The following DPP10 variants were observed in gnomAD, a reference collection of about 807,000 sequenced individuals.
DPP10 encodes the protein inactive dipeptidyl peptidase 10.
DPP10 carries 33 observed loss-of-function variants against 120.9 expected under a neutral mutation model. The ratio of observed to expected loss-of-function variants is 0.27; its 90% CI spans 0.21 to 0.37. The LOEUF (loss-of-function observed/expected upper bound fraction) is 0.37, where lower values mean the gene tolerates loss of function less well. Among genes scored for constraint, DPP10 ranks in the 10% least tolerant of loss-of-function variants. The probability of loss-of-function intolerance (pLI) is 1.00; values close to 1 mark genes in which losing one functional copy is unlikely to be tolerated. For synonymous variants in DPP10, 337 were observed against 326.1 expected, an observed-to-expected ratio of 1.03 and a Z score of -0.36; for missense variants, 816 against 942.8, an observed-to-expected ratio of 0.87 and a Z score of 1.76.
At chr2:114,930,013 A>T (rs1695951379) in intron 1 of DPP10, among the ~76,000 whole-genome samples, 1 of 152,214 alleles carries the variant, frequency 6.6e-6, no homozygotes, top group Non-Finnish European at 1.5e-5. Context: ...AGCAGGGAGC[A>T]GTATCCCAGG....
chr2:115,254,858 G>A (rs145873525), intron 1 of DPP10, among the ~76,000 whole-genome samples: 10 of 152,306 alleles, frequency 6.6e-5, no homozygotes, highest in Admixed American at 2.0e-4. Flanking sequence ...GCATTTGGCC[G>A]CTCCATCCCT....
chr2:115,606,207 T>A (rs1312056750), intron 5 of DPP10, among the ~76,000 whole-genome samples: 1 of 152,164 alleles, frequency 6.6e-6, no homozygotes, highest in East Asian at 1.9e-4. Context: ...TGATAATAAT[T>A]TGAGGTGGAG....
chr2:114,699,278 C>T lies in DPP10; in HGVS notation c.60+256440C>T, dbSNP rs908793676. ...GTATAAATATACATATGCATGCAAT[C>T]ATATATACATATGCGTGTGTGTGTG... On this transcript the variant is annotated intron_variant, in intron 1 of 25. Transcript: ENST00000410059. Among the ~76,000 whole-genome samples the T allele has an allele frequency of 3.3e-5, 5 of 150,138 alleles. No individual in the cohort carries two copies. The South Asian group carries it at 1.0e-3, about 31-fold the overall frequency.
At chr2:115,014,657 A>C (rs529555100) in intron 1 of DPP10, among the ~76,000 whole-genome samples, 3 of 152,276 alleles carry the variant, frequency 2.0e-5, no homozygotes, top group East Asian at 1.9e-4. Flanking sequence ...GATAAAGGGC[A>C]TATCACCACT....
intron 1 of DPP10, among the ~76,000 whole-genome samples, chr2:114,460,217 CT>C (rs1248491953): frequency 8.2e-6 from 1 of 122,082 alleles, no homozygotes; most frequent in Non-Finnish European, 1.8e-5. Flanking sequence ...ATCTATCTAT[CT>C]ATCTATTCTA....
intron 1 of DPP10, among the ~76,000 whole-genome samples, chr2:114,555,456 A>G (rs146803596): frequency 6.6e-6 from 1 of 152,312 alleles, no homozygotes; most frequent in African/African-American, 2.4e-5. Flanking sequence ...TTGCTGATGA[A>G]GAATGTAATG....
At chr2:114,501,619 A>G (rs1683189454) in intron 1 of DPP10, among the ~76,000 whole-genome samples, 1 of 152,162 alleles carries the variant, frequency 6.6e-6, no homozygotes, top group African/African-American at 2.4e-5. Flanking sequence ...TGAATAGAAA[A>G]TTTAAAATAA....
At chr2:115,735,537 C>G (rs1253922668) in intron 8 of DPP10, among the ~76,000 whole-genome samples, 2 of 145,906 alleles carry the variant, frequency 1.4e-5, no homozygotes, top group East Asian at 4.0e-4. Flanking sequence ...TTTTTTTTTT[C>G]TTTGACAGAG....
intron 1 of DPP10, among the ~76,000 whole-genome samples, chr2:115,049,075 A>T (rs1336897000): frequency 6.6e-6 from 1 of 152,094 alleles, no homozygotes; most frequent in Non-Finnish European, 1.5e-5. Flanking sequence ...GGATGGTTAA[A>T]AGAACAATTT....
intron 1 of DPP10, among the ~76,000 whole-genome samples, chr2:115,085,573 G>A (rs1708623294): frequency 6.6e-6 from 1 of 152,090 alleles, no homozygotes; most frequent in African/African-American, 2.4e-5. Flanking sequence ...TTTTGAAAAA[G>A]CCAAATTTCA....
chr2:114,667,446 G>A (rs975071305), intron 1 of DPP10, among the ~76,000 whole-genome samples: 4 of 152,158 alleles, frequency 2.6e-5, no homozygotes, highest in African/African-American at 7.2e-5. Context: ...AAATGCAAAT[G>A]AATTAGGTAT....
chr2:115,735,469 G>A (rs2093014266), intron 8 of DPP10, among the ~76,000 whole-genome samples: 1 of 151,710 alleles, frequency 6.6e-6, no homozygotes, highest in Non-Finnish European at 1.5e-5. Flanking sequence ...TATTTAACAG[G>A]TGGATCAGGC....
chr2:115,126,564 TAAGAG>T (rs1259985798), intron 1 of DPP10, among the ~76,000 whole-genome samples: 2 of 152,198 alleles, frequency 1.3e-5, no homozygotes, highest in African/African-American at 2.4e-5. Flanking sequence ...AATTTGGAAA[TAAGAG>T]AAAAGTTTAC....
At chr2:115,668,960 G>T (rs545373961) in intron 5 of DPP10, among the ~76,000 whole-genome samples, 2 of 151,984 alleles carry the variant, frequency 1.3e-5, no homozygotes, top group African/African-American at 4.8e-5. Flanking sequence ...AATAATCTGT[G>T]CCCAGAATGT....
chr2:115,791,455 A>G (rs548043496), intron 19 of DPP10, 99 bp downstream of exon 19: 44 of 1,051,998 alleles, frequency 4.2e-5, no homozygotes, highest in African/African-American at 4.0e-4. Flanking sequence ...GAGAAGTCCT[A>G]TGTGTGTAGT....
At chr2:115,153,395 T>C (rs2051694411) in intron 1 of DPP10, among the ~76,000 whole-genome samples, 1 of 152,218 alleles carries the variant, frequency 6.6e-6, no homozygotes, top group Non-Finnish European at 1.5e-5. Flanking sequence ...CTGTAGTTTC[T>C]AGTGAATATG....
At chr2:114,754,722 C>T (rs776087737) in intron 1 of DPP10, among the ~76,000 whole-genome samples, 9 of 151,852 alleles carry the variant, frequency 5.9e-5, no homozygotes, top group East Asian at 1.9e-4. Flanking sequence ...CCTGTTCACT[C>T]GTGTGGAAAT....
intron 15 of DPP10, among the ~76,000 whole-genome samples, chr2:115,778,158 T>A (rs1682347953): frequency 1.3e-5 from 2 of 152,112 alleles, no homozygotes; most frequent in South Asian, 4.1e-4. Flanking sequence ...CGTGCCTTCA[T>A]CTTCTGCTAA....
At chr2:114,765,723 A>C (rs1021782516) in intron 1 of DPP10, among the ~76,000 whole-genome samples, 5 of 152,222 alleles carry the variant, frequency 3.3e-5, no homozygotes, top group Non-Finnish European at 5.9e-5. Flanking sequence ...ATTCCAGCTT[A>C]CTGTGGTGCA....
Sources: allele counts gnomAD v4.1 joint callset (sites outside exome capture counted in the v4.1 genomes callset), GRCh38; gene constraint gnomAD v4.1.1; transcripts MANE v1.5; gene names NCBI Gene and HGNC (gene_info 2026-07-23, HGNC 2026-07-21).